Variants in KAZN observed in about 807,000 individuals in gnomAD.
KAZN encodes kazrin.
KAZN carries 40 observed loss-of-function variants against 87.4 expected under a neutral mutation model. That is an observed-to-expected ratio of 0.46 (90% CI 0.36 to 0.60). The LOEUF is 0.60. Among genes scored for constraint, KAZN ranks in the 20% least tolerant of loss-of-function variants. The probability of loss-of-function intolerance (pLI) is 0.00; values close to 1 mark genes in which losing one functional copy is unlikely to be tolerated. For missense variants in KAZN, 898 were observed against 1,073.9 expected, an observed-to-expected ratio of 0.84 and a Z score of 2.29; for synonymous variants, 466 against 458.3, an observed-to-expected ratio of 1.02 and a Z score of -0.22.
intron 2 of KAZN, among the ~76,000 whole-genome samples, chr1:14,532,406 C>T (rs1672254468): frequency 6.6e-6 from 1 of 152,004 alleles, no homozygotes. Flanking sequence ...TTCCAAAGGG[C>T]AATGATTGTC....
At chr1:14,733,278 C>G (rs192293221) in intron 1 of KAZN, among the ~76,000 whole-genome samples, 2 of 152,048 alleles carry the variant, frequency 1.3e-5, no homozygotes, top group East Asian at 3.9e-4. Flanking sequence ...GAAAGCAAGT[C>G]AGGACAAGTC....
chr1:14,058,479 C>T (rs1164446858), intron 1 of KAZN, among the ~76,000 whole-genome samples: 1 of 152,188 alleles, frequency 6.6e-6, no homozygotes, highest in Non-Finnish European at 1.5e-5. Flanking sequence ...ATTAATATCT[C>T]CACATGACAC....
intron 2 of KAZN, among the ~76,000 whole-genome samples, chr1:14,562,175 A>G (rs1571939122): frequency 6.6e-6 from 1 of 152,296 alleles, no homozygotes; most frequent in East Asian, 1.9e-4. Context: ...CTTCCAGCTA[A>G]TTTGGAGCTA....
intron 2 of KAZN, among the ~76,000 whole-genome samples, chr1:14,413,543 C>T (rs936575595): frequency 7.4e-6 from 1 of 135,680 alleles, no homozygotes; most frequent in Non-Finnish European, 1.5e-5. Flanking sequence ...GAGCCGAGAT[C>T]GCGCCACTGC....
Position 14,244,837 on chromosome 1 carries a change from G to A in KAZN, c.249+64245G>A, listed in dbSNP as rs751569578. ...TTGACAGAGAAAGCGTGTGCAGATT[G>A]TGTAGGGCCTTGTTAATCAGTGCAG... On this transcript the variant is annotated intron_variant, in intron 2 of 16. Coordinates refer to the KAZN transcript ENST00000636203. Among the ~76,000 whole-genome samples, 15 of 152,192 alleles carry A rather than the reference G, an allele frequency of 9.9e-5. 1 individual carries two copies. The highest frequency in any genetic ancestry group is 3.3e-4 in the Admixed American group (5 of 15,282).
At chr1:14,642,586 A>T (rs955855047) in intron 1 of KAZN, among the ~76,000 whole-genome samples, 2 of 152,172 alleles carry the variant, frequency 1.3e-5, no homozygotes, top group Non-Finnish European at 2.9e-5. Context: ...GTGTTAAAGG[A>T]TACAGGTAAA....
At chr1:14,669,159 C>G (rs1321064401) in intron 1 of KAZN, among the ~76,000 whole-genome samples, 1 of 152,180 alleles carries the variant, frequency 6.6e-6, no homozygotes, top group African/African-American at 2.4e-5. Context: ...CAGCCACCAT[C>G]CACCTCCACC....
chr1:14,631,314 T>A (rs975460142), intron 1 of KAZN, among the ~76,000 whole-genome samples: 2 of 152,220 alleles, frequency 1.3e-5, no homozygotes, highest in Non-Finnish European at 2.9e-5. Flanking sequence ...GCTAGAATAA[T>A]TTGAGCCTGG....
At chr1:14,550,628 A>AT (rs1011910558) in intron 2 of KAZN, among the ~76,000 whole-genome samples, 151 of 149,138 alleles carry the variant, frequency 1.0e-3, no homozygotes, top group African/African-American at 3.1e-3. Context: ...GAAATTTTGG[A>AT]TTTTTTTTTA....
At chr1:14,493,013 TCTTCCCTAGACGTTCGCACAG>T (rs1669757791) in intron 2 of KAZN, among the ~76,000 whole-genome samples, 1 of 143,850 alleles carries the variant, frequency 7.0e-6, no homozygotes, top group African/African-American at 2.6e-5. Context: ...GCCTGGACAT[TCTTCCCTAGACGTTCGCACAG>T]CTTGTCCCCC....
chr1:14,101,276 G>T (rs558661865), intron 1 of KAZN, among the ~76,000 whole-genome samples: 10 of 152,236 alleles, frequency 6.6e-5, no homozygotes, highest in Admixed American at 5.2e-4. Flanking sequence ...TTTATTACGT[G>T]CTTATTATGT....
chr1:14,878,627 A>C (rs1180245576), intron 1 of KAZN, among the ~76,000 whole-genome samples: 1 of 152,176 alleles, frequency 6.6e-6, no homozygotes, highest in African/African-American at 2.4e-5. Context: ...AAACCCACCA[A>C]GTTCTAAGAA....
At chr1:13,947,994 G>A (rs1641209198) in intron 1 of KAZN, among the ~76,000 whole-genome samples, 1 of 152,074 alleles carries the variant, frequency 6.6e-6, no homozygotes, top group Non-Finnish European at 1.5e-5. Context: ...AATTTTGGGG[G>A]GATACAGTTT....
intron 1 of KAZN, among the ~76,000 whole-genome samples, chr1:14,850,706 G>A (rs1401683431): frequency 6.6e-6 from 1 of 152,190 alleles, no homozygotes; most frequent in African/African-American, 2.4e-5. Context: ...CCAGCAGAAC[G>A]TGTTTGAATG....
chr1:15,091,572 G>A (rs1224803962), intron 8 of KAZN, among the ~76,000 whole-genome samples: 1 of 152,262 alleles, frequency 6.6e-6, no homozygotes, highest in East Asian at 1.9e-4. Flanking sequence ...GGACGGTCTC[G>A]ATCTTCTGAC....
chr1:15,100,955 G>A (rs867694772), intron 10 of KAZN, among the ~76,000 whole-genome samples: 29 of 152,288 alleles, frequency 1.9e-4, no homozygotes, highest in African/African-American at 4.6e-4. Context: ...TGTGGGTCTC[G>A]GGGATGCTGT....
At chr1:14,893,453 T>A (rs1309606381) in intron 1 of KAZN, among the ~76,000 whole-genome samples, 1 of 152,096 alleles carries the variant, frequency 6.6e-6, no homozygotes, top group Non-Finnish European at 1.5e-5. Context: ...CTCAGAGAAG[T>A]AGGTCACGGG....
intron 1 of KAZN, among the ~76,000 whole-genome samples, chr1:13,970,709 C>A (rs1335516073): frequency 1.3e-5 from 2 of 152,156 alleles, no homozygotes; most frequent in African/African-American, 4.8e-5. Flanking sequence ...AGAGCCAATG[C>A]CTATTCTTAA....
chr1:14,280,303 G>A (rs997125782), intron 2 of KAZN, among the ~76,000 whole-genome samples: 20 of 150,178 alleles, frequency 1.3e-4, no homozygotes, highest in African/African-American at 3.0e-4. Context: ...CCCGGGAGGC[G>A]GAGGTTGCAG....
Sources: gnomAD v4.1 joint callset for allele counts (sites outside exome capture counted in the v4.1 genomes callset) on GRCh38, gnomAD v4.1.1 for gene constraint, MANE v1.5 for transcripts, NCBI Gene and HGNC (gene_info 2026-07-23, HGNC 2026-07-21) for gene names.